Variants in DACH2 observed in about 807,000 individuals in gnomAD.
DACH2 encodes dachshund homolog 2.
DACH2 carries 17 observed loss-of-function variants against 35.8 expected under a neutral mutation model. The ratio of observed to expected loss-of-function variants is 0.48; its 90% confidence interval spans 0.33 to 0.71. The LOEUF is 0.71. DACH2 is among the 30% of genes least tolerant of loss of function. The pLI is 0.02. For missense variants in DACH2, 469 were observed against 472.7 expected (o/e 0.99, Z 0.07); for synonymous variants, 195 against 177.3 (o/e 1.10, Z -0.79).
intron 1 of DACH2, among the ~76,000 whole-genome samples, chrX:86,175,933 C>T (rs1353745699): frequency 9.0e-6 from 1 of 111,239 alleles, no homozygotes; most frequent in Non-Finnish European, 1.9e-5. Context: ...ATTAAAAAAA[C>T]TTTAGTATGA....
chrX:86,597,180 G>A (rs1021633866), intron 3 of DACH2, among the ~76,000 whole-genome samples: 25 of 111,789 alleles, frequency 2.2e-4, no homozygotes, highest in South Asian at 3.7e-4. Context: ...AGGCAATTGC[G>A]ATATTGATTC....
At chrX:86,594,572 T>G (rs929846535) in intron 3 of DACH2, among the ~76,000 whole-genome samples, 1 of 111,339 alleles carries the variant, frequency 9.0e-6, no homozygotes, top group East Asian at 2.8e-4. Context: ...ACTTTTTTTT[T>G]CCATAAACGT....
intron 2 of DACH2, among the ~76,000 whole-genome samples, chrX:86,502,043 CTTCCTTCCTTCT>C (rs1251104891): frequency 6.4e-5 from 7 of 108,528 alleles, no homozygotes; most frequent in African/African-American, 2.4e-4. Context: ...TCCTTCCTTC[CTTCCTTCCTTCT>C]TTCTTTCCTT....
chrX:86,295,521 G>A (rs1038709204), intron 1 of DACH2, among the ~76,000 whole-genome samples: 3 of 111,718 alleles, frequency 2.7e-5, no homozygotes, highest in Non-Finnish European at 5.6e-5. Context: ...GGTGTTGACT[G>A]TCTTTCAAGT....
intron 1 of DACH2, among the ~76,000 whole-genome samples, chrX:86,210,351 CT>C (rs1312188982): frequency 1.8e-5 from 2 of 111,181 alleles, no homozygotes; most frequent in Non-Finnish European, 3.8e-5. Flanking sequence ...AATGCATGTA[CT>C]TTTTCATTTA....
chrX:86,804,379 T>A lies in DACH2; in HGVS notation c.1241-8477T>A, dbSNP rs150684565. Among the ~76,000 whole-genome samples, 773 of 111,226 alleles carry A rather than the reference T, an allele frequency of 6.9e-3. 8 individuals are homozygous for A. Among genetic ancestry groups the A allele is most frequent in the African/African-American group, 0.024 (730 of 30,591 alleles). ...GGTGCTAGACCGTTCATGAGAACTT[T>A]CCCCCAGTGATCCAATCACCTCCCA... On this transcript the variant is annotated intron_variant, in intron 7 of 11. Transcript: ENST00000373125.
intron 2 of DACH2, among the ~76,000 whole-genome samples, chrX:86,493,127 G>GT (rs1224323543): frequency 2.5e-4 from 28 of 110,377 alleles, no homozygotes; most frequent in East Asian, 5.7e-4. Flanking sequence ...TTCTTGTTTT[G>GT]TTTTTTTGTT....
chrX:86,663,561 G>A (rs753375215), intron 4 of DACH2, among the ~76,000 whole-genome samples: 2 of 111,479 alleles, frequency 1.8e-5, no homozygotes, highest in Non-Finnish European at 1.9e-5. Flanking sequence ...TAAACAACAG[G>A]AGAGAAAAAA....
At chrX:86,385,279 A>G (rs898261550) in intron 2 of DACH2, among the ~76,000 whole-genome samples, 1 of 111,560 alleles carries the variant, frequency 9.0e-6, no homozygotes, top group Non-Finnish European at 1.9e-5. Flanking sequence ...ATCATCAAAT[A>G]TACTTGGCAT....
intron 7 of DACH2, among the ~76,000 whole-genome samples, chrX:86,810,329 G>A (rs1005739836): frequency 2.7e-5 from 3 of 111,710 alleles, no homozygotes; most frequent in Non-Finnish European, 3.8e-5. Flanking sequence ...ATACATATGT[G>A]TAGGTGATAT....
chrX:86,803,697 G>A (rs1430908191), intron 7 of DACH2, among the ~76,000 whole-genome samples: 1 of 110,032 alleles, frequency 9.1e-6, no homozygotes, highest in Non-Finnish European at 1.9e-5. Context: ...ACAACAGTGA[G>A]CAAATAAAAA....
At chrX:86,574,602 G>A (rs2039413454) in intron 3 of DACH2, among the ~76,000 whole-genome samples, 1 of 111,327 alleles carries the variant, frequency 9.0e-6, no homozygotes, top group African/African-American at 3.3e-5. Flanking sequence ...GGACAAGTAT[G>A]GAGAGCTATG....
intron 3 of DACH2, among the ~76,000 whole-genome samples, chrX:86,568,198 AC>A (rs2039317272): frequency 9.0e-6 from 1 of 111,449 alleles, no homozygotes; most frequent in African/African-American, 3.3e-5. Context: ...ATTCTGTATA[AC>A]ACTCTAATTG....
At chrX:86,628,725 G>C (rs79195808) in intron 3 of DACH2, among the ~76,000 whole-genome samples, 10,501 of 111,472 alleles carry the variant, frequency 0.094, 500 homozygotes, top group South Asian at 0.34. Context: ...GCATGACACT[G>C]GTTGAGAATC....
chrX:86,155,717 A>G (rs1459013246), intron 1 of DACH2, among the ~76,000 whole-genome samples: 3 of 111,396 alleles, frequency 2.7e-5, no homozygotes, highest in Non-Finnish European at 5.7e-5. Flanking sequence ...AAGAATATAT[A>G]TTTTAAAAAT....
chrX:86,720,458 C>T (rs1345453996), intron 6 of DACH2, among the ~76,000 whole-genome samples: 1 of 111,758 alleles, frequency 8.9e-6, no homozygotes, highest in East Asian at 2.8e-4. Context: ...AGACCATATA[C>T]AAGTCCGCAA....
At chrX:86,511,023 G>A (rs191739673) in intron 2 of DACH2, among the ~76,000 whole-genome samples, 146 of 111,915 alleles carry the variant, frequency 1.3e-3, no homozygotes, top group African/African-American at 4.6e-3. Flanking sequence ...AACCTATGCC[G>A]ATTAAATTGT....
At chrX:86,694,069 G>A (rs2041039398) in intron 4 of DACH2, among the ~76,000 whole-genome samples, 1 of 111,819 alleles carries the variant, frequency 8.9e-6, no homozygotes, top group Non-Finnish European at 1.9e-5. Flanking sequence ...CAGTGTCAGA[G>A]TTTTAGGCAG....
intron 3 of DACH2, among the ~76,000 whole-genome samples, chrX:86,599,706 G>A (rs904397449): frequency 3.0e-4 from 33 of 109,615 alleles, no homozygotes; most frequent in African/African-American, 9.7e-4. Context: ...ATGTTACCCC[G>A]GATGGTCTTG....
Sources: allele counts gnomAD v4.1 joint callset (sites outside exome capture counted in the v4.1 genomes callset), GRCh38; gene constraint gnomAD v4.1.1; transcripts MANE v1.5; gene names NCBI Gene and HGNC (gene_info 2026-07-23, HGNC 2026-07-21).